Variants in C12orf56 observed in about 807,000 individuals in gnomAD.
C12orf56 encodes uncharacterized protein C12orf56.
In C12orf56, 71 loss-of-function variants were observed where a neutral mutation model predicts 69.9. The ratio of observed to expected loss-of-function variants is 1.02; its 90% CI spans 0.84 to 1.24. C12orf56 has a LOEUF of 1.24. Among genes scored for constraint, C12orf56 ranks in the 50% most tolerant of loss-of-function variants. The probability of loss-of-function intolerance (pLI) is 0.00; values close to 1 mark genes in which losing one functional copy is unlikely to be tolerated. For missense variants in C12orf56, 732 were observed against 738.5 expected (o/e 0.99, Z 0.10); for synonymous variants, 276 against 274.1 (o/e 1.01, Z -0.07).
chr12:64,299,072 G>T (rs912890261), intron 6 of C12orf56, among the ~76,000 whole-genome samples: 1 of 152,158 alleles, frequency 6.6e-6, no homozygotes, highest in Admixed American at 6.5e-5. Context: ...GCAGTGGTTT[G>T]TAGTTCTCCT....
At chr12:64,352,073 T>A (rs2039230270) in intron 2 of C12orf56, among the ~76,000 whole-genome samples, 1 of 150,158 alleles carries the variant, frequency 6.7e-6, no homozygotes, top group African/African-American at 2.5e-5. Flanking sequence ...AGCAAAAGAG[T>A]AAAAGGTTTT....
intron 2 of C12orf56, among the ~76,000 whole-genome samples, chr12:64,345,029 A>G (rs2039121943): frequency 6.6e-6 from 1 of 152,070 alleles, no homozygotes; most frequent in Admixed American, 6.6e-5. Context: ...TGTTCCTTCC[A>G]CCATTATCCC....
intron 6 of C12orf56, among the ~76,000 whole-genome samples, chr12:64,294,895 GA>G (rs200602180): frequency 6.7e-5 from 10 of 148,286 alleles, no homozygotes; most frequent in African/African-American, 2.0e-4. Flanking sequence ...ATCATATGAA[GA>G]AAAAAAAATT....
At chr12:64,313,155 G>A (rs201596213) in intron 4 of C12orf56, among the ~76,000 whole-genome samples, 59 of 150,954 alleles carry the variant, frequency 3.9e-4, no homozygotes, top group African/African-American at 1.1e-3. Flanking sequence ...CCAGCTACTC[G>A]GGAGGCTGAG....
At chr12:64,338,097 T>A in intron 2 of C12orf56, 2 of 464,144 alleles carry the variant, frequency 4.3e-6, no homozygotes, top group South Asian at 3.6e-5. Context: ...TACAGAGACA[T>A]TTGTGTTTCT....
chr12:64,276,844 A>C (rs552399581), intron 9 of C12orf56, among the ~76,000 whole-genome samples: 1 of 151,166 alleles, frequency 6.6e-6, no homozygotes, highest in Non-Finnish European at 1.5e-5. Flanking sequence ...AAATACAAAA[A>C]TTAGCCAGGC....
rs1201123599 is a variant in C12orf56 at position 64,387,077 on chromosome 12, C to CAACAAAAAAAAA, written c.252+3236_252+3237insTTTTTTTTTGTT. On this transcript the variant is annotated intron_variant, in intron 1 of 12. Coordinates refer to ENST00000543942, the MANE Select transcript of C12orf56 (RefSeq NM_001170633.2). ...TGGGTAACAGAGCGAGACTCTATCT[C>CAACAAAAAAAAA]AAAAAAAAAAAAAAAAAAAAAAAAA... Among the ~76,000 whole-genome samples, 11 of 42,086 alleles carry CAACAAAAAAAAA rather than the reference C, an allele frequency of 2.6e-4. 1 individual carries two copies. The highest frequency in any genetic ancestry group is 9.9e-4 in the African/African-American group (9 of 9,134). 27.6% of individuals were successfully genotyped at this position (42,086 alleles called of 152,430 possible).
chr12:64,286,957 C>T (rs2038210610), intron 6 of C12orf56, among the ~76,000 whole-genome samples: 1 of 151,778 alleles, frequency 6.6e-6, no homozygotes, highest in Non-Finnish European at 1.5e-5. Flanking sequence ...AAGGACTTGG[C>T]CAGATGTGGT....
chr12:64,303,793 A>G lies in C12orf56; in HGVS notation c.969-14T>C. ...TTCTCCTCAGACCTACAGAAACAGA[A>G]GAAAATTTTCCACTTAAAAAAATGG... is the stretch of plus-strand genomic sequence containing the variant. On this transcript the variant is annotated splice_polypyrimidine_tract_variant and intron_variant, in intron 5 of 12. Coordinates refer to ENST00000543942, the MANE Select transcript of C12orf56 (RefSeq NM_001170633.2). 6.4e-7 allele frequency: 1 copy of G among 1,564,214 alleles called. No homozygotes were observed. The highest frequency in any genetic ancestry group is 8.6e-7 in the Non-Finnish European group (1 of 1,163,458).
At chr12:64,320,072 C>T (rs73311817) in intron 3 of C12orf56, among the ~76,000 whole-genome samples, 2,921 of 152,328 alleles carry the variant, frequency 0.019, 89 homozygotes, top group African/African-American at 0.067. Flanking sequence ...GTGCCGCTCC[C>T]GAACGGGCTA....
At chr12:64,369,432 A>G (rs1215167442) in intron 1 of C12orf56, among the ~76,000 whole-genome samples, 4 of 152,050 alleles carry the variant, frequency 2.6e-5, no homozygotes, top group Non-Finnish European at 4.4e-5. Context: ...TCCTGACTAC[A>G]AGCGATCTGC....
At chr12:64,294,725 G>C (rs1403420314) in intron 6 of C12orf56, among the ~76,000 whole-genome samples, 2 of 152,118 alleles carry the variant, frequency 1.3e-5, no homozygotes, top group Non-Finnish European at 2.9e-5. Context: ...AATGGGTAGA[G>C]AGTTTCAGTT....
At chr12:64,314,043 CA>C (rs762340003) in intron 4 of C12orf56, among the ~76,000 whole-genome samples, 28,001 of 67,450 alleles carry the variant, frequency 0.42, 2,401 homozygotes, top group African/African-American at 0.44. Flanking sequence ...AACTCTGTCT[CA>C]AAAAAAAAAA....
At chr12:64,345,315 T>C (rs993426012) in intron 2 of C12orf56, among the ~76,000 whole-genome samples, 1 of 151,956 alleles carries the variant, frequency 6.6e-6, no homozygotes, top group Non-Finnish European at 1.5e-5. Flanking sequence ...CCTCAGGCAG[T>C]GCAGGATTTA....
chr12:64,275,822 G>C (rs1361445530), intron 9 of C12orf56, among the ~76,000 whole-genome samples: 1 of 151,982 alleles, frequency 6.6e-6, no homozygotes, highest in African/African-American at 2.4e-5. Flanking sequence ...GCCCAGGCTG[G>C]TATGGAACTC....
chr12:64,352,106 T>TG (rs2135950001), intron 2 of C12orf56, among the ~76,000 whole-genome samples: 1 of 150,724 alleles, frequency 6.6e-6, no homozygotes, highest in African/African-American at 2.5e-5. Context: ...TTTGTTTTTT[T>TG]TTTTTTTTTG....
At chr12:64,287,139 G>A (rs974060135) in intron 6 of C12orf56, among the ~76,000 whole-genome samples, 3 of 151,832 alleles carry the variant, frequency 2.0e-5, no homozygotes, top group Admixed American at 1.3e-4. Context: ...AGCTACTTGG[G>A]AGGGTGAGGC....
At chr12:64,328,732 T>TATATATATATAG (rs1555190211) in intron 3 of C12orf56, among the ~76,000 whole-genome samples, 7 of 107,174 alleles carry the variant, frequency 6.5e-5, no homozygotes, top group Non-Finnish European at 9.6e-5. Flanking sequence ...TATATATATA[T>TATATATATATAG]ATATAGTATC....
At chr12:64,276,138 TC>T (rs2038048722) in intron 9 of C12orf56, among the ~76,000 whole-genome samples, 1 of 152,130 alleles carries the variant, frequency 6.6e-6, no homozygotes, top group Non-Finnish European at 1.5e-5. Context: ...TCCAAACTCC[TC>T]TTTACAATTA....
Sources: allele counts gnomAD v4.1 joint callset (sites outside exome capture counted in the v4.1 genomes callset), GRCh38; gene constraint gnomAD v4.1.1; transcripts MANE v1.5; gene names NCBI Gene and HGNC (gene_info 2026-07-23, HGNC 2026-07-21).